Variants in PAK1IP1 observed in about 807,000 individuals in gnomAD.
PAK1IP1 encodes the protein PAK1 interacting protein 1.
PAK1IP1 carries 24 observed loss-of-function variants against 42.0 expected under a neutral mutation model. That is an observed-to-expected ratio of 0.57 (90% CI 0.41 to 0.80). The LOEUF (loss-of-function observed/expected upper bound fraction) is 0.80, where lower values mean the gene tolerates loss of function less well. Among genes scored for constraint, PAK1IP1 ranks in the 30% least tolerant of loss-of-function variants. The pLI is 0.00. For missense variants in PAK1IP1, 411 were observed against 467.9 expected, an observed-to-expected ratio of 0.88 and a Z score of 1.12; for synonymous variants, 154 against 156.7, an observed-to-expected ratio of 0.98 and a Z score of 0.13.
Position 10,709,757 on chromosome 6 carries a change from T to C in PAK1IP1, c.*305T>C, listed in dbSNP as rs1332848667. On this transcript the variant is annotated 3_prime_UTR_variant, in exon 10 of 10. Coordinates refer to ENST00000379568, the MANE Select transcript of PAK1IP1 (RefSeq NM_017906.3). Reference sequence around the variant, plus strand: ...TCTCAAAATATACTGTAAAATAATATAAAATATTGAACACATTCTTTATCA... The same window carrying C: ...TCTCAAAATATACTGTAAAATAATACAAAATATTGAACACATTCTTTATCA... 4 of 167,972 alleles carry C rather than the reference T, an allele frequency of 2.4e-5. No homozygotes were observed. The highest frequency in any genetic ancestry group is 9.5e-5 in the African/African-American group (4 of 41,992). The allele number at this position is 167,972 out of a possible 1,614,324, so 10.4% of individuals were successfully genotyped here.
In PAK1IP1 at chr6:10,709,764, T is replaced by C. The variant is rs560027267; in HGVS notation, c.*312T>C. On this transcript the variant is annotated 3_prime_UTR_variant, in exon 10 of 10. Coordinates refer to ENST00000379568, the MANE Select transcript of PAK1IP1 (RefSeq NM_017906.3). ...ATATACTGTAAAATAATATAAAATA[T>C]TGAACACATTCTTTATCAGATTTGG... The C allele has an allele frequency of 6.1e-6, 1 of 163,150 alleles. No individual in the cohort carries two copies. The highest frequency in any genetic ancestry group is 1.3e-5 in the Non-Finnish European group (1 of 75,644). 10.1% of individuals were successfully genotyped at this position (163,150 alleles called of 1,614,324 possible).
chr6:10,705,660 A>G (rs1187037780), intron 7 of PAK1IP1, among the ~76,000 whole-genome samples: 1 of 152,188 alleles, frequency 6.6e-6, no homozygotes, highest in Non-Finnish European at 1.5e-5. Flanking sequence ...TGGTTGGCCA[A>G]TATTACCCCA....
At chr6:10,702,075 A>T (rs947415822) in intron 2 of PAK1IP1, among the ~76,000 whole-genome samples, 2 of 152,048 alleles carry the variant, frequency 1.3e-5, no homozygotes, top group East Asian at 3.9e-4. Flanking sequence ...CACTGTATCT[A>T]CAAAAAATAC....
At chr6:10,709,206 T>G (rs1434774424) in intron 9 of PAK1IP1, 32 bp from the exon 10 acceptor site, 2 of 1,570,610 alleles carry the variant, frequency 1.3e-6, no homozygotes, top group South Asian at 2.3e-5. Context: ...GAAAACAGTC[T>G]TTTTTTAAAA....
At chr6:10,700,828 T>G (rs1411468028) in intron 2 of PAK1IP1, among the ~76,000 whole-genome samples, 1 of 152,172 alleles carries the variant, frequency 6.6e-6, no homozygotes, top group Non-Finnish European at 1.5e-5. Flanking sequence ...TTTCTTTTTT[T>G]CCTTCAACTT....
chr6:10,694,086 C>G (rs776142652), upstream of PAK1IP1, among the ~76,000 whole-genome samples: 29 of 151,932 alleles, frequency 1.9e-4, no homozygotes, highest in Non-Finnish European at 4.0e-4. Context: ...ATGGAGAAAC[C>G]CTGTCTCTAC....
At chr6:10,697,268 G>C in intron 1 of PAK1IP1, 56 bp from the exon 2 acceptor site, 1 of 1,428,080 alleles carries the variant, frequency 7.0e-7, no homozygotes, top group Non-Finnish European at 9.7e-7. Flanking sequence ...CCAGTGGATA[G>C]AGTTGGTAGA....
chr6:10,698,273 A>G (rs1769919403), intron 2 of PAK1IP1, among the ~76,000 whole-genome samples: 1 of 152,054 alleles, frequency 6.6e-6, no homozygotes, highest in African/African-American at 2.4e-5. Flanking sequence ...GTGCCAAGAA[A>G]GTAGAAGAGA....
At position 10,709,775 on chromosome 6, in the gene PAK1IP1, C is replaced by G. The variant is rs1446780552; in HGVS notation, c.*323C>G. 6.3e-6 allele frequency: 1 copy of G among 158,930 alleles called. No individual in the cohort carries two copies. Among genetic ancestry groups the G allele is most frequent in the Non-Finnish European group, 1.4e-5 (1 of 72,756 alleles). The allele number at this position is 158,930 out of a possible 1,614,324, so 9.8% of individuals were successfully genotyped here. A position where few individuals can be genotyped will look rare whatever the true frequency, so the allele number is the denominator to read the frequency against. ...AATAATATAAAATATTGAACACATT[C>G]TTTATCAGATTTGGATGAAGGAGTC... On this transcript the variant is annotated 3_prime_UTR_variant, in exon 10 of 10. Transcript: ENST00000379568.
At chr6:10,706,891 CAAAA>C (rs1004022892) in intron 7 of PAK1IP1, among the ~76,000 whole-genome samples, 1 of 89,328 alleles carries the variant, frequency 1.1e-5, no homozygotes, top group Non-Finnish European at 2.3e-5. Context: ...GGCTCCATCT[CAAAA>C]AAAAAAAAAA....
In PAK1IP1 at chr6:10,707,508, G is replaced by A. The variant is rs775036051; in HGVS notation, c.834G>A (p.Gln278=). ...TCATCAAAATGTGGAAGCTTAAGCA[G>A]GATAAGGTCAGTGCTTCAACACAAT... ...DGFIKMWKLK[Q]DKKVPPSLLC... Residue 278 remains glutamine (Q), a synonymous_variant, in exon 8 of 10, where the codon CAG becomes CAA. Coordinates refer to ENST00000379568, the MANE Select transcript of PAK1IP1 (RefSeq NM_017906.3). 4.4e-6 allele frequency: 7 copies of A among 1,580,626 alleles called. No individual in the cohort carries two copies. The highest frequency in any genetic ancestry group is 5.2e-6 in the Non-Finnish European group (6 of 1,149,556).
rs1227761972 is a variant in PAK1IP1, at chr6:10,704,795, G to A, written c.691G>A (p.Asp231Asn). ...AGATGAAGAAGTTATAAGGTTTTTT[G>A]ACTGTGATTCACTAGTGTGCCTCTG... ...AGDEEVIRFF[D>N]CDSLVCLCEF... Residue 231 changes from aspartate to asparagine, a missense_variant, in exon 7 of 10, where the codon GAC becomes AAC. By Grantham distance (23) the Asp-to-Asn change is conservative (BLOSUM62 1). Transcript: ENST00000379568. 1.9e-6 allele frequency: 3 copies of A among 1,613,682 alleles called. No individual in the cohort carries two copies. The African/African-American group carries it at 4.0e-5, about 22-fold the overall frequency.
At position 10,700,258 on chromosome 6, in the gene PAK1IP1, A is replaced by G. The variant is rs1769986538; in HGVS notation, c.248-2111A>G. On this transcript the variant is annotated intron_variant, in intron 2 of 9. Coordinates refer to ENST00000379568, the MANE Select transcript of PAK1IP1 (RefSeq NM_017906.3). ...ATTTTTAGTAGAGACGGGTCTAACC[A>G]TGTTGGCCAAGCTGGTCTTGAACTC... Among the ~76,000 whole-genome samples the G allele has an allele frequency of 6.6e-5, 10 of 152,098 alleles. No individual in the cohort carries two copies. The South Asian group carries it at 2.1e-3, about 32-fold the overall frequency.
rs1770151881 is a variant in PAK1IP1 at position 10,704,847 on chromosome 6, A to G, written c.740+3A>G. On this transcript the variant is annotated splice_donor_region_variant and intron_variant, in intron 7 of 9. Transcript: ENST00000379568. ...GAATTTAAAGCTCATGAAAACAGGT[A>G]TTTTTACCAATCTTTGGTGTATATG... 4.5e-6 allele frequency: 7 copies of G among 1,564,920 alleles called. No homozygotes were observed. Among genetic ancestry groups the G allele is most frequent in the Non-Finnish European group, 6.2e-6 (7 of 1,135,426 alleles).
chr6:10,703,097 G>T (rs770065632), intron 4 of PAK1IP1, among the ~76,000 whole-genome samples: 2 of 152,092 alleles, frequency 1.3e-5, no homozygotes, highest in African/African-American at 4.8e-5. Flanking sequence ...GAGCCACCAC[G>T]CCCAGCCAAC....
chr6:10,702,240 CAAAAAAAAAA>C, intron 2 of PAK1IP1, 119 bp from the exon 3 acceptor site: 1 of 571,702 alleles, frequency 1.7e-6, no homozygotes, highest in Non-Finnish European at 2.8e-6. Flanking sequence ...AACCCTGCCT[CAAAAAAAAAA>C]AAAAGAAAAA....
chr6:10,706,752 G>A (rs1265868372), intron 7 of PAK1IP1, among the ~76,000 whole-genome samples: 5 of 151,840 alleles, frequency 3.3e-5, no homozygotes, highest in African/African-American at 1.2e-4. Context: ...GTATGGTGGC[G>A]CACGCCTGTA....
At chr6:10,699,920 T>C (rs1769973286) in intron 2 of PAK1IP1, among the ~76,000 whole-genome samples, 1 of 152,218 alleles carries the variant, frequency 6.6e-6, no homozygotes, top group South Asian at 2.1e-4. Flanking sequence ...GCAGATTTTC[T>C]TGTCTCGTAA....
At chr6:10,704,364 C>A in intron 5 of PAK1IP1, 143 bp from the exon 6 acceptor site, 1 of 605,234 alleles carries the variant, frequency 1.7e-6, no homozygotes, top group Non-Finnish European at 2.8e-6. Flanking sequence ...TTCTAAAAAA[C>A]TTGACTTGTA....
Sources: allele counts gnomAD v4.1 joint callset (sites outside exome capture counted in the v4.1 genomes callset), GRCh38; gene constraint gnomAD v4.1.1; transcripts MANE v1.5; gene names NCBI Gene and HGNC (gene_info 2026-07-23, HGNC 2026-07-21).